Variants in USP25 observed in about 807,000 individuals in gnomAD.
USP25 encodes the protein ubiquitin carboxyl-terminal hydrolase 25.
USP25 carries 85 observed loss-of-function variants against 158.5 expected under a neutral mutation model. That is an observed-to-expected ratio of 0.54 (90% CI 0.45 to 0.64). The LOEUF (loss-of-function observed/expected upper bound fraction) is 0.64, where lower values mean the gene tolerates loss of function less well. USP25 is among the 30% of genes least tolerant of loss of function. The probability of loss-of-function intolerance (pLI) is 0.00; values close to 1 mark genes in which losing one functional copy is unlikely to be tolerated. For synonymous variants in USP25, 464 were observed against 460.4 expected, an observed-to-expected ratio of 1.01 and a Z score of -0.10; for missense variants, 1,242 against 1,327.3, an observed-to-expected ratio of 0.94 and a Z score of 1.00.
At chr21:15,752,419 T>C (rs1318806418) in intron 1 of USP25, among the ~76,000 whole-genome samples, 1 of 151,946 alleles carries the variant, frequency 6.6e-6, no homozygotes, top group Non-Finnish European at 1.5e-5. Context: ...TTTCACCATA[T>C]TGGCCAGGCT....
chr21:15,736,941 C>G (rs547696213), intron 1 of USP25, among the ~76,000 whole-genome samples: 2 of 148,134 alleles, frequency 1.4e-5, no homozygotes, highest in African/African-American at 5.0e-5. Flanking sequence ...GATAAGTTAA[C>G]TCTCTGTGTT....
At chr21:15,730,723 C>T (rs2030739629) in intron 1 of USP25, among the ~76,000 whole-genome samples, 1 of 152,224 alleles carries the variant, frequency 6.6e-6, no homozygotes, top group Admixed American at 6.5e-5. Context: ...CTACAGTGCT[C>T]TGTGTGGCAT....
Position 15,847,757 on chromosome 21 carries a change from A to AGG in USP25, c.2438_2439dup (p.Tyr814GlyfsTer7), listed in dbSNP as rs756067288. On this transcript the variant is annotated frameshift_variant, in exon 19 of 26. Transcript: ENST00000400183. LOFTEE classifies it high-confidence loss of function. ...GGGAAATTTATGATTGAATCAAAGGAGGGGGGGTATGATGACGAGGTACCT... is the reference window on the plus strand; with the variant it reads ...GGGAAATTTATGATTGAATCAAAGGAGGGGGGGGGTATGATGACGAGGTACCT... 5.8e-6 allele frequency: 9 copies of AGG among 1,549,194 alleles called. No individual in the cohort carries two copies. Among genetic ancestry groups the AGG allele is most frequent in the Admixed American group, 2.0e-5 (1 of 50,964 alleles).
At chr21:15,863,120 T>C (rs2039504673) in intron 20 of USP25, among the ~76,000 whole-genome samples, 1 of 152,030 alleles carries the variant, frequency 6.6e-6, no homozygotes. Flanking sequence ...AAAAGCTTTA[T>C]CTTAATCATA....
At position 15,777,974 on chromosome 21, in the gene USP25, A is replaced by G; in HGVS notation, c.339A>G (p.Ser113=). The G allele has an allele frequency of 6.2e-7, 1 of 1,612,072 alleles. No homozygotes were observed. Among genetic ancestry groups the G allele is most frequent in the Non-Finnish European group, 8.5e-7 (1 of 1,179,182 alleles). ...QRAIALSLAE[S]NRAFRETGIT... ...CAATTGCCTTGAGTTTGGCCGAATC[A>G]AACAGGGCATTCAGGGAGACTGGAA... Residue 113 remains serine, a synonymous_variant, in exon 4 of 26, where the codon TCA becomes TCG. Transcript: ENST00000400183.
intron 17 of USP25, 138 bp from the exon 18 acceptor site, chr21:15,842,260 G>T: frequency 1.2e-6 from 1 of 860,000 alleles, no homozygotes. Context: ...GCTATACGTG[G>T]AAAGATATAT....
chr21:15,799,600 A>T, intron 5 of USP25, 157 bp from the exon 6 acceptor site: 1 of 458,838 alleles, frequency 2.2e-6, no homozygotes, highest in East Asian at 3.2e-5. Flanking sequence ...AAGAAACTTG[A>T]CTTTTTCTCA....
intron 21 of USP25, among the ~76,000 whole-genome samples, chr21:15,865,399 T>C (rs2039613445): frequency 6.6e-6 from 1 of 152,182 alleles, no homozygotes; most frequent in African/African-American, 2.4e-5. Flanking sequence ...GCAAAGCATC[T>C]GGATTGATCC....
intron 5 of USP25, among the ~76,000 whole-genome samples, chr21:15,798,587 C>CA (rs1305684475): frequency 2.6e-5 from 4 of 151,256 alleles, no homozygotes; most frequent in Non-Finnish European, 5.9e-5. Context: ...CCTACAAGGG[C>CA]AGAGACTACC....
intron 3 of USP25, among the ~76,000 whole-genome samples, chr21:15,768,069 G>T (rs1411246257): frequency 6.6e-6 from 1 of 152,020 alleles, no homozygotes; most frequent in African/African-American, 2.4e-5. Context: ...TGTGTTTGTG[G>T]ATCTCTTGAA....
At chr21:15,827,389 G>A (rs769480140) in intron 14 of USP25, among the ~76,000 whole-genome samples, 186 bp downstream of exon 14, 4 of 152,046 alleles carry the variant, frequency 2.6e-5, no homozygotes, top group African/African-American at 4.8e-5. Context: ...AGGTTCACAG[G>A]GACCAAAAGA....
At chr21:15,821,112 C>A (rs2037212381) in intron 10 of USP25, among the ~76,000 whole-genome samples, 1 of 151,930 alleles carries the variant, frequency 6.6e-6, no homozygotes, top group African/African-American at 2.4e-5. Flanking sequence ...AAATACTTCA[C>A]TTGTAGTGTG....
intron 2 of USP25, among the ~76,000 whole-genome samples, chr21:15,765,537 A>G (rs1422888796): frequency 6.6e-6 from 1 of 152,028 alleles, no homozygotes; most frequent in East Asian, 1.9e-4. Context: ...TCTTCCCATG[A>G]GTCCTTGACA....
intron 6 of USP25, among the ~76,000 whole-genome samples, chr21:15,804,204 A>T (rs1482683733): frequency 6.6e-6 from 1 of 151,792 alleles, no homozygotes; most frequent in Non-Finnish European, 1.5e-5. Flanking sequence ...TTTTGCTTTA[A>T]TGAGCCAGTA....
intron 1 of USP25, among the ~76,000 whole-genome samples, chr21:15,751,757 A>G (rs973700748): frequency 6.6e-6 from 1 of 152,238 alleles, no homozygotes. Context: ...ACATGTTCCC[A>G]TAGAAACCAT....
At chr21:15,860,967 T>TAGAGAGAGAG (rs1285954666) in intron 20 of USP25, among the ~76,000 whole-genome samples, 8 of 141,218 alleles carry the variant, frequency 5.7e-5, no homozygotes, top group African/African-American at 1.8e-4. Context: ...TATATATATA[T>TAGAGAGAGAG]ATATATATAG....
chr21:15,866,268 G>A lies in USP25; in HGVS notation c.2729G>A (p.Cys910Tyr), dbSNP rs778546183. ...GDRNLSFDER[C>Y]HNIMKVAQAK... The stretch of plus-strand genomic sequence containing the variant: ...ATATGTATGTGTTTTTTTTTAAGGT[G>A]TCACAACATAATGAAAGTTGCTCAA... The change falls in exon 22 of 26, where the codon TGT becomes TAT. Residue 910 changes from cysteine to tyrosine, a missense_variant and splice_region_variant. Physicochemically the swap from Cys to Tyr is radical, Grantham distance 194. This residue lies in a region of USP25 where 608 missense variants were observed against 605.2 expected (regional missense o/e 1.00). Transcript: ENST00000400183. The A allele has an allele frequency of 1.8e-5, 29 of 1,598,468 alleles. No homozygotes were observed. Among genetic ancestry groups the A allele is most frequent in the Middle Eastern group, 1.7e-4 (1 of 5,946 alleles).
chr21:15,818,561 A>G, intron 9 of USP25, 137 bp from the exon 10 acceptor site: 1 of 722,440 alleles, frequency 1.4e-6, no homozygotes, highest in South Asian at 2.2e-5. Flanking sequence ...CCAACAGGAA[A>G]ATTAACACTA....
intron 20 of USP25, among the ~76,000 whole-genome samples, chr21:15,853,331 G>T (rs945800820): frequency 4.4e-4 from 66 of 151,530 alleles, no homozygotes; most frequent in African/African-American, 1.6e-3. Flanking sequence ...ACACGCACAC[G>T]TGTACACATA....
Sources: allele counts gnomAD v4.1 joint callset (sites outside exome capture counted in the v4.1 genomes callset), GRCh38; gene constraint gnomAD v4.1.1; regional missense constraint gnomAD v4.1.1; transcripts MANE v1.5; gene names NCBI Gene and HGNC (gene_info 2026-07-23, HGNC 2026-07-21).